Variants in FHOD3 observed in about 807,000 individuals in gnomAD.
The protein encoded by FHOD3 is FH1/FH2 domain-containing protein 3.
Under a neutral mutation model 173.0 loss-of-function variants are expected in FHOD3, and 90 were observed. That is an observed-to-expected ratio of 0.52 (90% CI 0.44 to 0.62). FHOD3 has a LOEUF of 0.62. FHOD3 is among the 20% of genes least tolerant of loss of function. The pLI, the probability that FHOD3 is intolerant of heterozygous loss-of-function variation, is 0.00. For missense variants in FHOD3, 1,945 were observed against 2,034.7 expected, an observed-to-expected ratio of 0.96 and a Z score of 0.85; for synonymous variants, 828 against 823.0, an observed-to-expected ratio of 1.01 and a Z score of -0.10.
chr18:36,570,222 A>G (rs774924775), intron 5 of FHOD3, among the ~76,000 whole-genome samples: 14 of 152,100 alleles, frequency 9.2e-5, no homozygotes, highest in Admixed American at 6.5e-4. Context: ...CTTCACTTCA[A>G]TGAATTATGA....
intron 24 of FHOD3, among the ~76,000 whole-genome samples, chr18:36,748,960 C>T (rs1325059334): frequency 1.3e-5 from 2 of 149,684 alleles, no homozygotes; most frequent in African/African-American, 2.5e-5. Context: ...TTTTTTTAAA[C>T]TTAACACATT....
intron 18 of FHOD3, chr18:36,710,624 A>G (rs892804369): frequency 2.6e-5 from 4 of 152,256 alleles, no homozygotes; most frequent in African/African-American, 9.6e-5. Context: ...TGCAGTAAAA[A>G]CAAGAAGATA....
intron 3 of FHOD3, among the ~76,000 whole-genome samples, chr18:36,490,994 T>G (rs1053624176): frequency 7.9e-5 from 12 of 152,144 alleles, no homozygotes; most frequent in African/African-American, 2.9e-4. Context: ...CCCATCAGCA[T>G]GAACACCAGG....
intron 3 of FHOD3, among the ~76,000 whole-genome samples, chr18:36,384,395 C>A (rs1375984462): frequency 1.3e-5 from 2 of 149,286 alleles, no homozygotes; most frequent in Non-Finnish European, 1.5e-5. Context: ...AACAAAAAAA[C>A]AAACACAAAA....
intron 13 of FHOD3, among the ~76,000 whole-genome samples, chr18:36,655,476 G>A (rs879783506): frequency 1.3e-5 from 2 of 152,058 alleles, no homozygotes; most frequent in Admixed American, 6.6e-5. Context: ...GAAGATACAC[G>A]TAAGTTGTGG....
At chr18:36,311,534 C>CA (rs1326219456) in intron 1 of FHOD3, among the ~76,000 whole-genome samples, 4 of 152,194 alleles carry the variant, frequency 2.6e-5, no homozygotes, top group Non-Finnish European at 5.9e-5. Context: ...ACAAGGTCCT[C>CA]ATATTTTTTG....
intron 5 of FHOD3, among the ~76,000 whole-genome samples, chr18:36,525,897 A>G (rs997110148): frequency 2.0e-5 from 3 of 152,248 alleles, no homozygotes; most frequent in African/African-American, 7.2e-5. Context: ...GCAATTTATA[A>G]GAAAATTTGG....
intron 5 of FHOD3, among the ~76,000 whole-genome samples, chr18:36,563,700 T>C (rs142739761): frequency 1.3e-5 from 2 of 152,276 alleles, no homozygotes; most frequent in African/African-American, 4.8e-5. Context: ...TGCGGTACTG[T>C]CTTAGAAGCA....
At chr18:36,748,272 T>TA (rs1555835977) in intron 24 of FHOD3, among the ~76,000 whole-genome samples, 1 of 152,044 alleles carries the variant, frequency 6.6e-6, no homozygotes, top group Non-Finnish European at 1.5e-5. Context: ...TCAGATTTCT[T>TA]ACTGAAATCA....
chr18:36,572,915 G>A (rs2058503855), intron 5 of FHOD3, among the ~76,000 whole-genome samples: 1 of 152,192 alleles, frequency 6.6e-6, no homozygotes. Context: ...GAAAAGGACA[G>A]TGGAGCAAAC....
At chr18:36,534,132 C>T (rs1393625919) in intron 5 of FHOD3, among the ~76,000 whole-genome samples, 2 of 152,326 alleles carry the variant, frequency 1.3e-5, no homozygotes, top group Admixed American at 6.5e-5. Context: ...GAATGTGGGA[C>T]GTGCAGCCAA....
At chr18:36,490,816 G>A (rs1012033788) in intron 3 of FHOD3, among the ~76,000 whole-genome samples, 1 of 152,224 alleles carries the variant, frequency 6.6e-6, no homozygotes, top group Admixed American at 6.5e-5. Flanking sequence ...AGGAAAGACA[G>A]GAGGAGTTAG....
At chr18:36,488,979 G>A (rs1427508669) in intron 3 of FHOD3, among the ~76,000 whole-genome samples, 2 of 152,182 alleles carry the variant, frequency 1.3e-5, no homozygotes, top group African/African-American at 4.8e-5. Context: ...GCTGAGACTG[G>A]AGAATGGGGT....
chr18:36,391,582 G>A (rs1026027834), intron 3 of FHOD3, among the ~76,000 whole-genome samples: 1 of 152,166 alleles, frequency 6.6e-6, no homozygotes, highest in Non-Finnish European at 1.5e-5. Flanking sequence ...GAAGCCTGGG[G>A]TTTGTAACCA....
chr18:36,348,457 C>A (rs146721864), intron 1 of FHOD3, among the ~76,000 whole-genome samples: 39 of 152,126 alleles, frequency 2.6e-4, no homozygotes, highest in Non-Finnish European at 8.8e-5. Flanking sequence ...GCTTTGTGGG[C>A]GTGTGACTGA....
intron 14 of FHOD3, 109 bp from the exon 15 acceptor site, chr18:36,681,327 G>GCCTA: frequency 7.5e-7 from 1 of 1,338,310 alleles, no homozygotes; most frequent in South Asian, 1.5e-5. Flanking sequence ...CCCAAGCATT[G>GCCTA]CCTAGGTACC....
At chr18:36,414,747 G>A (rs757481320) in intron 3 of FHOD3, among the ~76,000 whole-genome samples, 3 of 152,200 alleles carry the variant, frequency 2.0e-5, no homozygotes, top group Non-Finnish European at 4.4e-5. Context: ...TGGGTAGGAC[G>A]TTTCAGGAGT....
At chr18:36,474,773 G>A (rs981721440) in intron 3 of FHOD3, among the ~76,000 whole-genome samples, 11 of 152,048 alleles carry the variant, frequency 7.2e-5, no homozygotes, top group African/African-American at 1.4e-4. Flanking sequence ...GGGCAGGAGC[G>A]GTTCACAGAG....
intron 3 of FHOD3, among the ~76,000 whole-genome samples, chr18:36,450,460 T>C (rs2051773112): frequency 7.2e-6 from 1 of 139,656 alleles, no homozygotes; most frequent in African/African-American, 3.1e-5. Flanking sequence ...TATTTATTTA[T>C]TTATTTATTT....
Sources: gnomAD v4.1 joint callset for allele counts (sites outside exome capture counted in the v4.1 genomes callset) on GRCh38, gnomAD v4.1.1 for gene constraint, MANE v1.5 for transcripts, NCBI Gene and HGNC (gene_info 2026-07-23, HGNC 2026-07-21) for gene names.